The following PPP1R12A variants were observed in gnomAD, a reference collection of about 807,000 sequenced individuals.
PPP1R12A encodes protein phosphatase 1 regulatory subunit 12A, also known as myosin binding subunit.
A neutral mutation model predicts 139.6 loss-of-function variants in PPP1R12A; 19 were observed. The ratio of observed to expected loss-of-function variants is 0.14; its 90% CI spans 0.09 to 0.20. The LOEUF (loss-of-function observed/expected upper bound fraction) is 0.20. Among genes scored for constraint, PPP1R12A ranks in the 10% least tolerant of loss-of-function variants. PPP1R12A has a pLI of 1.00. For synonymous variants in PPP1R12A, 427 were observed against 420.6 expected (o/e 1.02, Z -0.19); for missense variants, 925 against 1,211.5 (o/e 0.76, Z 3.51).
intron 13 of PPP1R12A, 71 bp downstream of exon 13, chr12:79,806,095 T>C (rs1873794755): frequency 3.4e-6 from 5 of 1,489,638 alleles, no homozygotes; most frequent in Non-Finnish European, 4.5e-6. Context: ...CCCCACAATC[T>C]TCTAAACAAA....
chr12:79,817,344 GGT>G, intron 9 of PPP1R12A, 48 bp downstream of exon 9: 2 of 1,535,608 alleles, frequency 1.3e-6, no homozygotes, highest in Non-Finnish European at 1.8e-6. Flanking sequence ...TAGTCCAAGT[GGT>G]ACATAAATAG....
chr12:79,849,116 A>C (rs1879747498), intron 2 of PPP1R12A, among the ~76,000 whole-genome samples: 1 of 152,164 alleles, frequency 6.6e-6, no homozygotes, highest in Non-Finnish European at 1.5e-5. Flanking sequence ...CAAAATTATC[A>C]CATTTAGGAA....
chr12:79,781,792 T>C, intron 23 of PPP1R12A, 23 bp downstream of exon 23: 1 of 1,405,326 alleles, frequency 7.1e-7, no homozygotes, highest in Admixed American at 2.5e-5. Context: ...AAAAAATAAT[T>C]ATTTAATAAG....
intron 15 of PPP1R12A, 58 bp from the exon 16 acceptor site, chr12:79,797,453 A>G: frequency 7.0e-7 from 1 of 1,422,926 alleles, no homozygotes; most frequent in South Asian, 1.3e-5. Context: ...GTTTCAAGGA[A>G]TATTTTAGAA....
At chr12:79,881,997 C>A (rs1883681895) in intron 1 of PPP1R12A, among the ~76,000 whole-genome samples, 1 of 152,152 alleles carries the variant, frequency 6.6e-6, no homozygotes, top group Admixed American at 6.6e-5. Flanking sequence ...ACTATTGAGA[C>A]CTATTGCTCA....
At position 79,821,158 on chromosome 12, in the gene PPP1R12A, A is replaced by C. The variant is rs775220811; in HGVS notation, c.876T>G (p.Ser292Arg). The part of the protein sequence containing the change: ...ELQKKQNLLH[S>R]EKRDKKSPLI... ...GTGGAGATTTCTTGTCCCGTTTTTC[A>C]CTATGGAGCTTTGTACAAAGTTATG... Residue 292 changes from serine (S) to arginine (R), a missense_variant, in exon 7 of 25, where the codon AGT becomes AGG. Ser to Arg is a moderately radical substitution (Grantham distance 110, BLOSUM62 -1). Transcript: ENST00000450142. The C allele has an allele frequency of 6.2e-7, 1 of 1,610,958 alleles. No individual in the cohort carries two copies.
chr12:79,830,374 T>C lies in PPP1R12A; in HGVS notation c.648-1910A>G, dbSNP rs979353112. On this transcript the variant is annotated intron_variant, in intron 4 of 24. Transcript: ENST00000450142. ...TGTAAGGAGATTTCTCATTCTTGTT[T>C]TGTTTCAGAATATGCCAGTGAAAGC... is the stretch of plus-strand genomic sequence containing the variant. Among the ~76,000 whole-genome samples, 9 of 152,332 alleles carry C rather than the reference T, an allele frequency of 5.9e-5. No individual in the cohort carries two copies. The East Asian group carries it at 1.5e-3, about 26-fold the overall frequency.
chr12:79,851,126 T>A (rs1046689781), intron 2 of PPP1R12A, among the ~76,000 whole-genome samples: 1 of 152,228 alleles, frequency 6.6e-6, no homozygotes, highest in African/African-American at 2.4e-5. Context: ...GTAATAGTTA[T>A]ATGCTTCTTG....
intron 1 of PPP1R12A, among the ~76,000 whole-genome samples, chr12:79,903,389 T>C (rs1433718331): frequency 1.3e-5 from 2 of 151,028 alleles, no homozygotes; most frequent in Admixed American, 1.3e-4. Context: ...AAGTAGATGT[T>C]GCAGTGAGCT....
Position 79,890,895 on chromosome 12 carries a change from CCACACCCACCCACACACA to C in PPP1R12A, c.238-17975_238-17958del, listed in dbSNP as rs1309932017. Among the ~76,000 whole-genome samples the C allele has an allele frequency of 2.7e-3, 280 of 104,642 alleles. 1 individual carries two copies. The highest frequency in any genetic ancestry group is 9.7e-3 in the African/African-American group (263 of 27,150). 68.6% of individuals were successfully genotyped at this position (104,642 alleles called of 152,430 possible). On this transcript the variant is annotated intron_variant, in intron 1 of 24. Coordinates refer to ENST00000450142, the MANE Select transcript of PPP1R12A (RefSeq NM_002480.3). ...TCAAGAATACACACACACCACCCAC[CCACACCCACCCACACACA>C]CACACACACACACACACACACACAC...
chr12:79,794,816 G>A (rs985090240), intron 18 of PPP1R12A, among the ~76,000 whole-genome samples: 2 of 151,968 alleles, frequency 1.3e-5, no homozygotes, highest in African/African-American at 4.8e-5. Flanking sequence ...AGAAGTAAAT[G>A]TACTGCTACA....
At position 79,788,770 on chromosome 12, in the gene PPP1R12A, A is replaced by G; in HGVS notation, c.2680T>C (p.Ser894Pro). The change falls in exon 21 of 25, where the codon TCT becomes CCT. Residue 894 changes from serine to proline, a missense_variant. Around this residue, in one of 4 missense-constraint regions of PPP1R12A, gnomAD observed 315 missense variants for 363.4 expected, o/e 0.87. Transcript: ENST00000450142. ...TCATATCGATCACCAGCTGATGTAGAACTGGTTTCATATCTTCAAAAGATT... is the reference window on the plus strand; with the variant it reads ...TCATATCGATCACCAGCTGATGTAGGACTGGTTTCATATCTTCAAAAGATT... ...TDSISRYETS[S>P]TSAGDRYDSL... The G allele has an allele frequency of 6.2e-7, 1 of 1,605,762 alleles. No homozygotes were observed. Among genetic ancestry groups the G allele is most frequent in the South Asian group, 1.1e-5 (1 of 90,140 alleles).
intron 2 of PPP1R12A, 41 bp downstream of exon 2, chr12:79,872,767 A>G: frequency 6.3e-7 from 1 of 1,594,242 alleles, no homozygotes; most frequent in East Asian, 2.2e-5. Flanking sequence ...CAGGTCTGTC[A>G]AACAGTATTA....
At chr12:79,845,524 G>A (rs1879270010) in intron 2 of PPP1R12A, 104 bp from the exon 3 acceptor site, 1 of 781,692 alleles carries the variant, frequency 1.3e-6, no homozygotes, top group South Asian at 1.7e-5. Context: ...AGCAATAAAG[G>A]GCAGTATATA....
intron 16 of PPP1R12A, 33 bp from the exon 17 acceptor site, chr12:79,796,983 A>G (rs896188598): frequency 1.4e-5 from 21 of 1,555,200 alleles, no homozygotes; most frequent in Non-Finnish European, 1.8e-5. Context: ...CCCATTTGAA[A>G]CATTAAACAC....
intron 9 of PPP1R12A, among the ~76,000 whole-genome samples, chr12:79,815,531 A>G (rs896177236): frequency 2.0e-5 from 3 of 152,066 alleles, no homozygotes; most frequent in Admixed American, 6.6e-5. Context: ...AAAGAAAAAA[A>G]AAAAAAAAGA....
chr12:79,865,853 T>C (rs1158536262), intron 2 of PPP1R12A, among the ~76,000 whole-genome samples: 1 of 152,172 alleles, frequency 6.6e-6, no homozygotes, highest in East Asian at 1.9e-4. Flanking sequence ...TCCATGCTCA[T>C]GGACAGAAAG....
Position 79,934,648 on chromosome 12 carries a change from G to A in PPP1R12A, c.237+47C>T, listed in dbSNP as rs766276295. On this transcript the variant is annotated intron_variant, in intron 1 of 24. Coordinates refer to ENST00000450142, the MANE Select transcript of PPP1R12A (RefSeq NM_002480.3). ...TGAGGGCAGGCCCGAGCAGGAGGCC[G>A]ACGAGAACCCTCACGGTCAGGAGAG... 4 of 1,468,856 alleles carry A rather than the reference G, an allele frequency of 2.7e-6. No homozygotes were observed. In the African/African-American group the frequency reaches 4.2e-5, roughly 15 times the overall value. 91.0% of individuals were successfully genotyped at this position (1,468,856 alleles called of 1,614,324 possible). A position where few individuals can be genotyped will look rare whatever the true frequency, so the allele number is the denominator to read the frequency against.
At position 79,832,503 on chromosome 12, in the gene PPP1R12A, A is replaced by C. The variant is rs1291761071; in HGVS notation, c.488-12T>G. Reference sequence around the variant, plus strand: ...TTCTATATCAACCCCTGATAAAATAAAAATAGTTCTTTTTATTTTTGCTTA... The same window carrying C: ...TTCTATATCAACCCCTGATAAAATACAAATAGTTCTTTTTATTTTTGCTTA... On this transcript the variant is annotated splice_polypyrimidine_tract_variant and intron_variant, in intron 3 of 24. Coordinates refer to ENST00000450142, the MANE Select transcript of PPP1R12A (RefSeq NM_002480.3). 1 of 1,566,070 alleles carries C rather than the reference A, an allele frequency of 6.4e-7. No homozygotes were observed. The highest frequency in any genetic ancestry group is 2.3e-5 in the East Asian group (1 of 43,444).
Sources: allele counts gnomAD v4.1 joint callset (sites outside exome capture counted in the v4.1 genomes callset), GRCh38; gene constraint gnomAD v4.1.1; regional missense constraint gnomAD v4.1.1; transcripts MANE v1.5; gene names NCBI Gene and HGNC (gene_info 2026-07-23, HGNC 2026-07-21).